The following DNAH17 variants were observed in gnomAD, a reference collection of about 807,000 sequenced individuals.
DNAH17 encodes dynein axonemal heavy chain 17.
DNAH17 carries 376 observed loss-of-function variants against 485.6 expected under a neutral mutation model. That is an observed-to-expected ratio of 0.77 (90% CI 0.71 to 0.84). DNAH17 has a LOEUF of 0.84. Among genes scored for constraint, DNAH17 ranks in the 40% least tolerant of loss-of-function variants. The probability of loss-of-function intolerance (pLI) is 0.00; values close to 1 mark genes in which losing one functional copy is unlikely to be tolerated. For synonymous variants in DNAH17, 3,031 were observed against 2,405.9 expected, an observed-to-expected ratio of 1.26 and a Z score of -7.60; for missense variants, 6,370 against 5,839.3, an observed-to-expected ratio of 1.09 and a Z score of -2.96.
chr17:78,474,741 C>T (rs985088903), intron 54 of DNAH17, among the ~76,000 whole-genome samples: 10 of 143,842 alleles, frequency 7.0e-5, no homozygotes, highest in Non-Finnish European at 3.0e-5. Flanking sequence ...TCACACTGGC[C>T]AGATTTCACA....
intron 18 of DNAH17, 53 bp downstream of exon 18, chr17:78,539,684 T>C: frequency 7.0e-7 from 1 of 1,423,994 alleles, no homozygotes; most frequent in Non-Finnish European, 9.4e-7. Flanking sequence ...CTATAGATTC[T>C]AACAGATAAG....
chr17:78,445,409 C>G, intron 70 of DNAH17, 149 bp downstream of exon 70: 1 of 1,141,320 alleles, frequency 8.8e-7, no homozygotes, highest in Non-Finnish European at 1.2e-6. Flanking sequence ...CCATCTTGGT[C>G]TCCATCCCTA....
rs559828998 is a variant in DNAH17, at chr17:78,473,099, C to T, written c.8511+2179G>A. On this transcript the variant is annotated intron_variant, in intron 54 of 80. Transcript: ENST00000389840. ...ACATAATCACAAACATATATGTTAC[C>T]CCCATAGGGGTGAGCCTATTACTAT... Among the ~76,000 whole-genome samples, 106 of 152,304 alleles carry T rather than the reference C, an allele frequency of 7.0e-4. 1 individual carries two copies. The highest frequency in any genetic ancestry group is 2.5e-3 in the African/African-American group (102 of 41,552).
intron 77 of DNAH17, among the ~76,000 whole-genome samples, chr17:78,427,791 G>A (rs1391674306): frequency 6.6e-6 from 1 of 152,140 alleles, no homozygotes; most frequent in African/African-American, 2.4e-5. Context: ...GGCCAACATG[G>A]TGAAACTGTC....
At chr17:78,474,123 T>C (rs1180020327) in intron 54 of DNAH17, among the ~76,000 whole-genome samples, 1 of 152,230 alleles carries the variant, frequency 6.6e-6, no homozygotes, top group African/African-American at 2.4e-5. Flanking sequence ...GGTCTCTGCC[T>C]GCAGACACCT....
chr17:78,483,788 T>TA (rs1490508528), intron 48 of DNAH17, among the ~76,000 whole-genome samples: 3 of 152,010 alleles, frequency 2.0e-5, no homozygotes, highest in Non-Finnish European at 4.4e-5. Context: ...TGGCCTGAGC[T>TA]ACTTGCTTAT....
intron 13 of DNAH17, 78 bp downstream of exon 13, chr17:78,560,662 C>T: frequency 2.8e-6 from 4 of 1,417,048 alleles, no homozygotes; most frequent in Non-Finnish European, 3.8e-6. Context: ...CTCCATAAAT[C>T]CGTGCTGAGG....
chr17:78,561,161 A>G (rs1389905069), intron 12 of DNAH17, among the ~76,000 whole-genome samples: 1 of 152,094 alleles, frequency 6.6e-6, no homozygotes, highest in Non-Finnish European at 1.5e-5. Flanking sequence ...AATAGAACCC[A>G]CGCAGCAACT....
At chr17:78,427,722 A>G (rs1467199420) in intron 77 of DNAH17, among the ~76,000 whole-genome samples, 3 of 152,222 alleles carry the variant, frequency 2.0e-5, no homozygotes, top group East Asian at 1.9e-4. Context: ...CTGTAACCCC[A>G]GCACTTTAGG....
chr17:78,434,675 TG>T (rs1209263780), intron 74 of DNAH17, among the ~76,000 whole-genome samples: 3 of 150,610 alleles, frequency 2.0e-5, no homozygotes, highest in Admixed American at 1.3e-4. Context: ...GGATGGGGGA[TG>T]GGATGGGGTC....
intron 1 of DNAH17, among the ~76,000 whole-genome samples, 181 bp from the exon 2 acceptor site, chr17:78,575,263 C>T (rs2092417335): frequency 6.6e-6 from 1 of 152,190 alleles, no homozygotes; most frequent in African/African-American, 2.4e-5. Flanking sequence ...GTGCTGGCAC[C>T]TGCCCCGGCC....
chr17:78,540,248 C>T (rs1384914368), intron 17 of DNAH17, among the ~76,000 whole-genome samples: 1 of 149,452 alleles, frequency 6.7e-6, no homozygotes, highest in African/African-American at 2.5e-5. Context: ...CCTTTTGATG[C>T]CCAAATTCAT....
intron 65 of DNAH17, 142 bp downstream of exon 65, chr17:78,453,201 A>G: frequency 8.9e-7 from 1 of 1,129,942 alleles, no homozygotes; most frequent in Non-Finnish European, 1.2e-6. Context: ...GTTCCTTCCC[A>G]CCAGCAGGCA....
In DNAH17 at chr17:78,529,769, GA is replaced by G. The variant is rs993728629; in HGVS notation, c.3285-76del. ...CCCTTGATGGTACGGAGCCCCATGA[GA>G]GGGGGACGACCGCGGTGAGGTCAAC... On this transcript the variant is annotated intron_variant, in intron 21 of 80. Transcript: ENST00000389840. 128 of 1,482,836 alleles carry G rather than the reference GA, an allele frequency of 8.6e-5. No homozygotes were observed. In the African/African-American group the frequency reaches 1.2e-3, roughly 14 times the overall value. 91.9% of individuals were successfully genotyped at this position (1,482,836 alleles called of 1,614,324 possible).
intron 54 of DNAH17, among the ~76,000 whole-genome samples, chr17:78,469,913 G>T (rs539978516): frequency 6.6e-6 from 1 of 152,210 alleles, no homozygotes; most frequent in African/African-American, 2.4e-5. Flanking sequence ...TGCCAGGGGC[G>T]GGGCTGGGGG....
intron 69 of DNAH17, among the ~76,000 whole-genome samples, chr17:78,447,494 G>A (rs540377131): frequency 1.6e-3 from 240 of 152,322 alleles, no homozygotes; most frequent in Non-Finnish European, 2.6e-3. Context: ...GGGAGCAGGG[G>A]CAATGGCCAC....
chr17:78,469,898 G>C (rs1474930196), intron 54 of DNAH17, among the ~76,000 whole-genome samples: 1 of 152,100 alleles, frequency 6.6e-6, no homozygotes, highest in East Asian at 1.9e-4. Flanking sequence ...AAGAAGAATG[G>C]AGGTTGCCAG....
At chr17:78,474,663 GACAC>G (rs2146591534) in intron 54 of DNAH17, among the ~76,000 whole-genome samples, 1 of 152,186 alleles carries the variant, frequency 6.6e-6, no homozygotes, top group East Asian at 1.9e-4. Context: ...GTAGTTGACA[GACAC>G]ACTCTTCACC....
At chr17:78,453,738 A>AGTGCAGTGGCATGAGCAGG (rs1422548628) in intron 64 of DNAH17, among the ~76,000 whole-genome samples, 10 of 152,216 alleles carry the variant, frequency 6.6e-5, no homozygotes, top group African/African-American at 2.4e-4. Context: ...CCCAGGCTGG[A>AGTGCAGTGGCATGAGCAGG]GTGCAGTGGC....
Sources: gnomAD v4.1 joint callset for allele counts (sites outside exome capture counted in the v4.1 genomes callset) on GRCh38, gnomAD v4.1.1 for gene constraint, MANE v1.5 for transcripts, NCBI Gene and HGNC (gene_info 2026-07-23, HGNC 2026-07-21) for gene names.